DLGAP4: variants seen among roughly 807,000 people sequenced by gnomAD.
The protein encoded by DLGAP4 is DLG associated protein 4, also known as disks large-associated protein 4.
In DLGAP4, 18 loss-of-function variants were observed where a neutral mutation model predicts 86.9. That is an observed-to-expected ratio of 0.21 (90% CI 0.14 to 0.31). The LOEUF (loss-of-function observed/expected upper bound fraction) is 0.31. DLGAP4 is among the 10% of genes least tolerant of loss of function. The pLI is 1.00. For missense variants in DLGAP4, 1,085 were observed against 1,362.6 expected, an observed-to-expected ratio of 0.80 and a Z score of 3.21; for synonymous variants, 548 against 574.3, an observed-to-expected ratio of 0.95 and a Z score of 0.65.
chr20:36,309,405 C>T (rs928412297), intron 1 of DLGAP4, among the ~76,000 whole-genome samples: 5 of 152,194 alleles, frequency 3.3e-5, no homozygotes, highest in South Asian at 2.1e-4. Context: ...TGACTTTTGA[C>T]GACCTGGTCC....
At chr20:36,471,398 G>A (rs1340093464) in intron 7 of DLGAP4, among the ~76,000 whole-genome samples, 2 of 152,158 alleles carry the variant, frequency 1.3e-5, no homozygotes, top group African/African-American at 2.4e-5. Context: ...GGAGGCTGAG[G>A]CAGAAGAATC....
chr20:36,442,311 C>T (rs2033469990), intron 5 of DLGAP4, among the ~76,000 whole-genome samples: 1 of 152,234 alleles, frequency 6.6e-6, no homozygotes, highest in African/African-American at 2.4e-5. Flanking sequence ...TCTCCTGCCT[C>T]AGCCTCCCTA....
chr20:36,414,585 G>A (rs1423685388), intron 2 of DLGAP4, among the ~76,000 whole-genome samples: 2 of 152,226 alleles, frequency 1.3e-5, no homozygotes, highest in African/African-American at 4.8e-5. Context: ...GTGTGACCTT[G>A]GGCAAGTGTC....
Position 36,496,727 on chromosome 20 carries a change from TAAG to T in DLGAP4, c.1676_1678del (p.Lys559del), listed in dbSNP as rs2035904470. 1 of 1,607,298 alleles carries T rather than the reference TAAG, an allele frequency of 6.2e-7. No homozygotes were observed. The highest frequency in any genetic ancestry group is 1.1e-5 in the South Asian group (1 of 91,020). ...CAGGTTCATCATGCCTAGTGGCGTA[TAAG>T]AAGACCCCGCCACCGGTCCCTCCAC... On this transcript the variant is annotated inframe_deletion, in exon 8 of 13. Transcript: ENST00000339266.
chr20:36,457,385 ATT>A (rs869167974), intron 7 of DLGAP4, among the ~76,000 whole-genome samples: 45 of 126,288 alleles, frequency 3.6e-4, no homozygotes, highest in African/African-American at 5.5e-4. Flanking sequence ...CGCCCGGCTA[ATT>A]TTTTTTTTTT....
chr20:36,394,753 G>A (rs1934253126), intron 2 of DLGAP4, among the ~76,000 whole-genome samples: 1 of 151,676 alleles, frequency 6.6e-6, no homozygotes, highest in Admixed American at 6.6e-5. Flanking sequence ...ACGTTCACAG[G>A]CTCTGGCTTC....
chr20:36,453,380 T>C (rs570813194), intron 7 of DLGAP4, among the ~76,000 whole-genome samples: 1 of 152,280 alleles, frequency 6.6e-6, no homozygotes, highest in South Asian at 2.1e-4. Flanking sequence ...CTGGGTGCAG[T>C]GGCTCATACC....
chr20:36,434,338 T>C (rs2033212361), intron 3 of DLGAP4, among the ~76,000 whole-genome samples: 1 of 152,230 alleles, frequency 6.6e-6, no homozygotes, highest in African/African-American at 2.4e-5. Flanking sequence ...GAGACTATTT[T>C]CTTTTTCAAT....
At chr20:36,494,981 TCGG>T (rs2035820006) in intron 7 of DLGAP4, among the ~76,000 whole-genome samples, 1 of 135,660 alleles carries the variant, frequency 7.4e-6, no homozygotes, top group Non-Finnish European at 1.6e-5. Context: ...TTTTTTTTGT[TCGG>T]TTTTTTTTTT....
intron 2 of DLGAP4, among the ~76,000 whole-genome samples, chr20:36,417,038 C>A (rs563758709): frequency 2.0e-5 from 3 of 152,128 alleles, no homozygotes; most frequent in African/African-American, 7.2e-5. Context: ...TCACAGAGCG[C>A]GGGAGGCACT....
intron 12 of DLGAP4, among the ~76,000 whole-genome samples, chr20:36,526,508 G>T (rs1367209146): frequency 6.6e-6 from 1 of 152,020 alleles, no homozygotes; most frequent in Non-Finnish European, 1.5e-5. Flanking sequence ...CTGTGACTCG[G>T]GCTAGTTCCT....
In DLGAP4 at chr20:36,527,259, T is replaced by G; in HGVS notation, c.*228T>G. ...AAAAAATCAACAAAAATCACGAAAC[T>G]AGAAAACTTTTTTTTTCCTCTTGCT... On this transcript the variant is annotated 3_prime_UTR_variant, in exon 13 of 13. Transcript: ENST00000339266. 2.2e-6 allele frequency: 1 copy of G among 455,638 alleles called. No individual in the cohort carries two copies. The allele number at this position is 455,638 out of a possible 1,614,324, so 28.2% of individuals were successfully genotyped here.
intron 7 of DLGAP4, among the ~76,000 whole-genome samples, chr20:36,466,950 C>T (rs201430806): frequency 7.1e-6 from 1 of 140,444 alleles, no homozygotes; most frequent in East Asian, 2.0e-4. Flanking sequence ...CTCTCTGTCT[C>T]TCTCTCTCTC....
intron 2 of DLGAP4, among the ~76,000 whole-genome samples, chr20:36,422,970 AC>A (rs2032869763): frequency 6.6e-6 from 1 of 152,072 alleles, no homozygotes; most frequent in South Asian, 2.1e-4. Context: ...GGATCCTGCC[AC>A]CCTAGGTGTT....
intron 7 of DLGAP4, among the ~76,000 whole-genome samples, chr20:36,462,902 C>G (rs1295366319): frequency 6.7e-6 from 1 of 149,358 alleles, no homozygotes; most frequent in Non-Finnish European, 1.5e-5. Flanking sequence ...GCAGGCCGGG[C>G]TATTTTGGAG....
rs565358360 is a variant in DLGAP4 at position 36,482,531 on chromosome 20, C to T, written c.1649-14174C>T. ...CCAGTATTTGAAAAGCCACATTTTGCATTCTCTACCCTCAGTCCTTCACCA... is the reference window on the plus strand; with the variant it reads ...CCAGTATTTGAAAAGCCACATTTTGTATTCTCTACCCTCAGTCCTTCACCA... On this transcript the variant is annotated intron_variant, in intron 7 of 12. Transcript: ENST00000339266. Among the ~76,000 whole-genome samples, 29 of 152,256 alleles carry T rather than the reference C, an allele frequency of 1.9e-4. No individual in the cohort carries two copies. The South Asian group carries it at 4.8e-3, about 25-fold the overall frequency.
chr20:36,408,576 A>G (rs2147496866), intron 2 of DLGAP4, among the ~76,000 whole-genome samples: 1 of 152,228 alleles, frequency 6.6e-6, no homozygotes, highest in East Asian at 1.9e-4. Flanking sequence ...GGGAAGAGGG[A>G]CCACCCAATG....
chr20:36,417,068 C>T (rs1349360508), intron 2 of DLGAP4, among the ~76,000 whole-genome samples: 1 of 152,134 alleles, frequency 6.6e-6, no homozygotes, highest in Non-Finnish European at 1.5e-5. Context: ...TGTGAGGAGC[C>T]AAGCAGGATA....
chr20:36,461,668 G>GCC, intron 7 of DLGAP4: 1 of 69,028 alleles, frequency 1.4e-5, no homozygotes, highest in Non-Finnish European at 2.1e-5. Context: ...GCCCCGCCCG[G>GCC]CCCGGCCCGG....
Sources: allele counts gnomAD v4.1 joint callset (sites outside exome capture counted in the v4.1 genomes callset), GRCh38; gene constraint gnomAD v4.1.1; transcripts MANE v1.5; gene names NCBI Gene and HGNC (gene_info 2026-07-23, HGNC 2026-07-21).